The following SPHKAP variants were observed in gnomAD, a reference collection of about 807,000 sequenced individuals.
The protein encoded by SPHKAP is A-kinase anchor protein SPHKAP.
Under a neutral mutation model 137.5 loss-of-function variants are expected in SPHKAP, and 67 were observed. The observed-to-expected ratio is 0.49, with a 90% CI of 0.40 to 0.60. SPHKAP has a LOEUF of 0.60. Ranked by LOEUF, SPHKAP falls within the 20% of genes least tolerant of loss-of-function variation. The pLI, the probability that SPHKAP is intolerant of heterozygous loss-of-function variation, is 0.00. For missense variants in SPHKAP, 2,097 were observed against 2,069.3 expected, an observed-to-expected ratio of 1.01 and a Z score of -0.26; for synonymous variants, 813 against 785.3, an observed-to-expected ratio of 1.04 and a Z score of -0.59.
chr2:228,068,347 C>T (rs758530288), intron 3 of SPHKAP, among the ~76,000 whole-genome samples: 9 of 151,696 alleles, frequency 5.9e-5, no homozygotes, highest in Non-Finnish European at 1.2e-4. Context: ...GAAATACTGA[C>T]ATTCTCCACA....
chr2:228,054,752 A>T (rs10183157), intron 3 of SPHKAP, among the ~76,000 whole-genome samples: 145,289 of 152,200 alleles, frequency 0.95, 69,431 homozygotes, highest in East Asian at 1. Context: ...GAGGCTTTGA[A>T]CTATTAAATG....
At chr2:228,173,202 A>G (rs1451844794) in intron 1 of SPHKAP, among the ~76,000 whole-genome samples, 1 of 152,218 alleles carries the variant, frequency 6.6e-6, no homozygotes, top group African/African-American at 2.4e-5. Context: ...GAAGGAAACA[A>G]GGAGAAAGAA....
chr2:228,159,424 C>T (rs1184485186), intron 1 of SPHKAP, among the ~76,000 whole-genome samples: 1 of 152,052 alleles, frequency 6.6e-6, no homozygotes, highest in Non-Finnish European at 1.5e-5. Flanking sequence ...GAGGGGCTTG[C>T]AAAACTGCAA....
At chr2:228,030,522 AAAAAAAAAAAC>A (rs1695256555) in intron 3 of SPHKAP, among the ~76,000 whole-genome samples, 1 of 113,584 alleles carries the variant, frequency 8.8e-6, no homozygotes, top group East Asian at 2.3e-4. Flanking sequence ...TCAAAAAAAA[AAAAAAAAAAAC>A]AACAAAAAAC....
chr2:228,147,623 T>C (rs1699812443), intron 1 of SPHKAP, among the ~76,000 whole-genome samples: 1 of 152,122 alleles, frequency 6.6e-6, no homozygotes, highest in African/African-American at 2.4e-5. Context: ...CTTGGGAAAA[T>C]TCCCTAATCT....
intron 3 of SPHKAP, among the ~76,000 whole-genome samples, chr2:228,106,465 T>A (rs1197054105): frequency 2.0e-5 from 3 of 152,226 alleles, no homozygotes; most frequent in African/African-American, 7.2e-5. Flanking sequence ...TCTCTTGTGA[T>A]TATATGTAAA....
chr2:227,998,480 A>G (rs1472447677), intron 7 of SPHKAP, among the ~76,000 whole-genome samples: 1 of 152,184 alleles, frequency 6.6e-6, no homozygotes, highest in Non-Finnish European at 1.5e-5. Flanking sequence ...ACAAACAAAA[A>G]GCAACAGCAT....
intron 3 of SPHKAP, among the ~76,000 whole-genome samples, chr2:228,073,940 C>A (rs1697089718): frequency 6.6e-6 from 1 of 152,110 alleles, no homozygotes; most frequent in Non-Finnish European, 1.5e-5. Flanking sequence ...AAGAAAAACT[C>A]CCAATGACCT....
intron 2 of SPHKAP, 56 bp from the exon 3 acceptor site, chr2:228,108,995 G>A: frequency 9.2e-7 from 1 of 1,087,908 alleles, no homozygotes; most frequent in Non-Finnish European, 1.3e-6. Context: ...TATCTAAACA[G>A]CAGCTCTCTC....
intron 7 of SPHKAP, 91 bp downstream of exon 7, chr2:228,016,315 A>G (rs1353531907): frequency 4.7e-6 from 7 of 1,481,194 alleles, no homozygotes; most frequent in African/African-American, 1.4e-5. Context: ...GCACCAATCA[A>G]ATCCTTTATG....
intron 2 of SPHKAP, among the ~76,000 whole-genome samples, chr2:228,116,388 C>T (rs1698711131): frequency 6.6e-6 from 1 of 152,112 alleles, no homozygotes; most frequent in South Asian, 2.1e-4. Flanking sequence ...CACTTAACTT[C>T]TTTGAGACTC....
intron 5 of SPHKAP, 57 bp from the exon 6 acceptor site, chr2:228,022,023 C>T (rs1416007957): frequency 1.3e-6 from 2 of 1,498,368 alleles, no homozygotes; most frequent in East Asian, 2.3e-5. Flanking sequence ...AAGACTATTG[C>T]CTCTGAGCTT....
At chr2:228,131,404 G>T in intron 2 of SPHKAP, 1 of 567,318 alleles carries the variant, frequency 1.8e-6, no homozygotes, top group Non-Finnish European at 2.2e-6. Flanking sequence ...CCTTAGATTT[G>T]ATTGGCTGGG....
At chr2:228,160,686 A>T (rs761421833) in intron 1 of SPHKAP, among the ~76,000 whole-genome samples, 1 of 152,346 alleles carries the variant, frequency 6.6e-6, no homozygotes, top group Non-Finnish European at 1.5e-5. Flanking sequence ...CAGCTAAATC[A>T]TATCACCAAT....
At chr2:228,135,861 C>T (rs1699424980) in intron 1 of SPHKAP, among the ~76,000 whole-genome samples, 1 of 151,946 alleles carries the variant, frequency 6.6e-6, no homozygotes, top group Non-Finnish European at 1.5e-5. Context: ...GCAAATGCAT[C>T]TTCTGAAACA....
intron 1 of SPHKAP, among the ~76,000 whole-genome samples, chr2:228,179,035 T>G (rs1008929313): frequency 1.3e-5 from 2 of 152,058 alleles, no homozygotes; most frequent in Admixed American, 6.5e-5. Context: ...ATTTCAGTAA[T>G]TTATATTTGT....
At chr2:228,180,868 C>A (rs1306812018) in intron 1 of SPHKAP, among the ~76,000 whole-genome samples, 1 of 152,142 alleles carries the variant, frequency 6.6e-6, no homozygotes, top group African/African-American at 2.4e-5. Context: ...AAGAAACACA[C>A]CCCGAAAAAC....
chr2:228,046,291 C>CTTTTTTTTTTTTTTTTTTTTTTTT (rs58510792), intron 3 of SPHKAP, among the ~76,000 whole-genome samples: 2 of 82,528 alleles, frequency 2.4e-5, no homozygotes, highest in Non-Finnish European at 4.4e-5. Context: ...TGTTGTTATT[C>CTTTTTTTTTTTTTTTTTTTTTTTT]TTTTTTTTTT....
chr2:228,111,875 A>G (rs1213835912), intron 2 of SPHKAP, among the ~76,000 whole-genome samples: 1 of 152,112 alleles, frequency 6.6e-6, no homozygotes, highest in African/African-American at 2.4e-5. Flanking sequence ...TAGGTTTCCA[A>G]AAACTTATCT....
Sources: gnomAD v4.1 joint callset for allele counts (sites outside exome capture counted in the v4.1 genomes callset) on GRCh38, gnomAD v4.1.1 for gene constraint, MANE v1.5 for transcripts, NCBI Gene and HGNC (gene_info 2026-07-23, HGNC 2026-07-21) for gene names.